The following PLCH2 variants were observed in gnomAD, a reference collection of about 807,000 sequenced individuals.
PLCH2 encodes 1-phosphatidylinositol 4,5-bisphosphate phosphodiesterase eta-2.
PLCH2 carries 98 observed loss-of-function variants against 134.7 expected under a neutral mutation model. The ratio of observed to expected loss-of-function variants is 0.73; its 90% CI spans 0.62 to 0.86. PLCH2 has a LOEUF of 0.86. Among genes scored for constraint, PLCH2 ranks in the 40% least tolerant of loss-of-function variants. PLCH2 has a pLI of 0.00. For synonymous variants in PLCH2, 974 were observed against 827.5 expected, an observed-to-expected ratio of 1.18 and a Z score of -3.04; for missense variants, 1,994 against 1,986.6, an observed-to-expected ratio of 1.00 and a Z score of -0.07.
chr1:2,431,645 C>T (rs1021963347), intron 2 of PLCH2, among the ~76,000 whole-genome samples: 2 of 152,104 alleles, frequency 1.3e-5, no homozygotes, highest in Non-Finnish European at 2.9e-5. Flanking sequence ...GCCAGCGGTC[C>T]TATATGCAGA....
Position 2,444,920 on chromosome 1 carries a change from G to T in PLCH2, c.115+14291G>T, listed in dbSNP as rs888224359. Among the ~76,000 whole-genome samples, 7 of 152,112 alleles carry T rather than the reference G, an allele frequency of 4.6e-5. No homozygotes were observed. The highest frequency in any genetic ancestry group is 1.4e-4 in the African/African-American group (6 of 41,406). ...GCCTGCCTGGGTGTCTGATCCTAGAGACTCCTTCAGCGAGGTGCAGCCTCA... is the reference window on the plus strand; with the variant it reads ...GCCTGCCTGGGTGTCTGATCCTAGATACTCCTTCAGCGAGGTGCAGCCTCA... On this transcript the variant is annotated intron_variant, in intron 2 of 3. Transcript: ENST00000609981. This position sits in a 1 kb window ranked among gnomAD's most constrained non-coding sequence, Gnocchi z 4.6.
chr1:2,445,719 C>T (rs947195118), intron 2 of PLCH2, among the ~76,000 whole-genome samples: 14 of 152,160 alleles, frequency 9.2e-5, no homozygotes, highest in African/African-American at 2.9e-4. Context: ...CCTGGCAGCC[C>T]GGTTCCCGAG....
intron 1 of PLCH2, among the ~76,000 whole-genome samples, chr1:2,471,096 G>C (rs1379147266): frequency 6.6e-6 from 1 of 152,146 alleles, no homozygotes; most frequent in Non-Finnish European, 1.5e-5. Flanking sequence ...CTATTAATAG[G>C]GTCCCCTTCC....
rs370734477 is a variant in PLCH2, at chr1:2,498,617, G to C, written c.2319G>C (p.Pro773=). Residue 773 remains proline (P), a synonymous_variant, in exon 17 of 22, where the codon CCG becomes CCC. Transcript: ENST00000378486. The surrounding 1 kb of genome is among the most constrained non-coding windows in gnomAD (Gnocchi z 5.4). ...RIISGQQLPK[P]RDSMLGDRGE... The stretch of plus-strand genomic sequence containing the variant: ...TCAGTGGCCAGCAGCTTCCCAAGCC[G>C]CGCGACTCCATGCTGGGGGACCGTG... 1.3e-6 allele frequency: 2 copies of C among 1,585,636 alleles called. No individual in the cohort carries two copies. Among genetic ancestry groups the C allele is most frequent in the African/African-American group, 1.3e-5 (1 of 74,234 alleles).
In PLCH2 at chr1:2,487,008, G is replaced by T; in HGVS notation, c.910+8G>T. 6.3e-7 allele frequency: 1 copy of T among 1,585,814 alleles called. No homozygotes were observed. The highest frequency in any genetic ancestry group is 2.3e-5 in the East Asian group (1 of 43,202). On this transcript the variant is annotated splice_region_variant and intron_variant, in intron 6 of 21. Coordinates refer to ENST00000378486, the MANE Select transcript of PLCH2 (RefSeq NM_014638.4). ...GGCTGCTGGGCATTGATGGTGAGTG[G>T]GGCGCTGCCCTCAGCCCAGCTGTCC...
upstream of PLCH2, among the ~76,000 whole-genome samples, chr1:2,474,965 C>T (rs1158479639): frequency 4.6e-5 from 7 of 152,232 alleles, 1 homozygote; most frequent in South Asian, 1.4e-3. Flanking sequence ...CCTCTCCTCT[C>T]CCTGCAGCTC....
chr1:2,480,988 C>T (rs1429296323), intron 4 of PLCH2, among the ~76,000 whole-genome samples: 2 of 152,244 alleles, frequency 1.3e-5, no homozygotes, highest in African/African-American at 4.8e-5. Flanking sequence ...GTGCCAGGCC[C>T]TGGGGTCTCT....
Position 2,498,733 on chromosome 1 carries a change from C to G in PLCH2, c.2350-11C>G, listed in dbSNP as rs1406604906. 1 of 1,604,446 alleles carries G rather than the reference C, an allele frequency of 6.2e-7. No homozygotes were observed. The highest frequency in any genetic ancestry group is 8.5e-7 in the Non-Finnish European group (1 of 1,175,460). On this transcript the variant is annotated splice_polypyrimidine_tract_variant and intron_variant, in intron 17 of 21. Transcript: ENST00000378486. This position sits in a 1 kb window ranked among gnomAD's most constrained non-coding sequence, Gnocchi z 5.4. ...ATGGGCCCTGATGCCACCCCCACTC[C>G]TGTGTCCCAGATCATCGACCCCTTT... is the stretch of plus-strand genomic sequence containing the variant.
At chr1:2,499,313 G>A in intron 19 of PLCH2, 83 bp downstream of exon 19, 1 of 1,494,162 alleles carries the variant, frequency 6.7e-7, no homozygotes, top group African/African-American at 1.4e-5. Context: ...GTGAGTCAGT[G>A]CCTGTGTAGG....
At chr1:2,445,055 C>T (rs1266257592) in intron 2 of PLCH2, among the ~76,000 whole-genome samples, 1 of 152,052 alleles carries the variant, frequency 6.6e-6, no homozygotes, top group Admixed American at 6.5e-5. Flanking sequence ...TGTTGGTCTC[C>T]CCTAGGACCC....
rs1445375054 is a variant in PLCH2, at chr1:2,504,263, C to A, written c.3301C>A (p.Pro1101Thr). The A allele has an allele frequency of 2.5e-6, 4 of 1,590,840 alleles. No homozygotes were observed. The African/African-American group carries it at 5.4e-5, about 21-fold the overall frequency. Reference sequence around the variant, plus strand: ...AAGGGTGAAGAGTGAGGGGCAGGTGCCCACGGAGCCCCTGGGAGGGTGGCG... The same window carrying A: ...AAGGGTGAAGAGTGAGGGGCAGGTGACCACGGAGCCCCTGGGAGGGTGGCG... ...IRRVKSEGQV[P>T]TEPLGGWRPL... Residue 1101 changes from proline to threonine, a missense_variant, in exon 22 of 22, where the codon CCC becomes ACC. Around this residue, in one of 2 missense-constraint regions of PLCH2, gnomAD observed 900 missense variants for 752.3 expected, o/e 1.20. Coordinates refer to ENST00000378486, the MANE Select transcript of PLCH2 (RefSeq NM_014638.4).
chr1:2,487,786 T>C, intron 8 of PLCH2, 68 bp downstream of exon 8: 1 of 1,442,208 alleles, frequency 6.9e-7, no homozygotes, highest in Non-Finnish European at 9.6e-7. Flanking sequence ...GCTCTAGCTC[T>C]TCCTGCCACA....
intron 12 of PLCH2, among the ~76,000 whole-genome samples, chr1:2,495,209 G>T (rs1642814786): frequency 6.6e-6 from 1 of 152,202 alleles, no homozygotes; most frequent in Non-Finnish European, 1.5e-5. Context: ...GCTCGGAGCT[G>T]GTGGGAACAG....
At chr1:2,472,406 G>A (rs1354590362), upstream of PLCH2, among the ~76,000 whole-genome samples, 1 of 152,214 alleles carries the variant, frequency 6.6e-6, no homozygotes, top group East Asian at 1.9e-4. Flanking sequence ...CGGCCCTTGG[G>A]GGCAGCACGG....
At chr1:2,461,619 C>A (rs1482032279) in intron 2 of PLCH2, among the ~76,000 whole-genome samples, 1 of 152,316 alleles carries the variant, frequency 6.6e-6, no homozygotes, top group East Asian at 1.9e-4. Context: ...ACAGGGAACA[C>A]TGTGGGGACA....
intron 2 of PLCH2, among the ~76,000 whole-genome samples, chr1:2,459,427 G>T (rs1232680420): frequency 4.0e-5 from 3 of 74,552 alleles, no homozygotes; most frequent in East Asian, 3.7e-4. Flanking sequence ...CCTCCTTGCC[G>T]GTGGTCCTCC....
upstream of PLCH2, among the ~76,000 whole-genome samples, chr1:2,423,011 C>T (rs905877022): frequency 5.3e-5 from 8 of 152,138 alleles, no homozygotes; most frequent in Admixed American, 2.6e-4. Flanking sequence ...CCCGATCTCA[C>T]GATAAAAGCC....
chr1:2,463,643 T>G (rs1322556235), upstream of PLCH2, among the ~76,000 whole-genome samples: 2 of 151,342 alleles, frequency 1.3e-5, no homozygotes, highest in African/African-American at 4.8e-5. Context: ...CGGAGACTGG[T>G]CAGAGCCCGC....
upstream of PLCH2, among the ~76,000 whole-genome samples, chr1:2,425,668 C>T (rs1219248246): frequency 2.0e-5 from 3 of 151,314 alleles, no homozygotes; most frequent in Admixed American, 6.6e-5. Context: ...CACGTACCAC[C>T]GCGCCTGGCT....
Sources: allele counts gnomAD v4.1 joint callset (sites outside exome capture counted in the v4.1 genomes callset), GRCh38; gene constraint gnomAD v4.1.1; regional missense constraint gnomAD v4.1.1; non-coding constraint Gnocchi (gnomAD v3.1); transcripts MANE v1.5; gene names NCBI Gene and HGNC (gene_info 2026-07-23, HGNC 2026-07-21).